Variants in PPT1 observed in about 807,000 individuals in gnomAD.
PPT1 encodes palmitoyl-protein thioesterase 1.
Under a neutral mutation model 44.0 loss-of-function variants are expected in PPT1, and 24 were observed. The observed-to-expected ratio is 0.54, with a 90% CI of 0.39 to 0.77. The LOEUF is 0.77. Ranked by LOEUF, PPT1 falls within the 30% of genes least tolerant of loss-of-function variation. PPT1 has a pLI of 0.00. For missense variants in PPT1, 341 were observed against 378.8 expected, an observed-to-expected ratio of 0.90 and a Z score of 0.83; for synonymous variants, 148 against 140.2, an observed-to-expected ratio of 1.06 and a Z score of -0.39.
At chr1:40,092,809 A>G (rs1649641553) in intron 1 of PPT1, among the ~76,000 whole-genome samples, 1 of 105,644 alleles carries the variant, frequency 9.5e-6, no homozygotes, top group Non-Finnish European at 2.1e-5. Context: ...GCAAACCAAA[A>G]CCACGATGAG....
At chr1:40,076,337 C>A (rs747943143) in intron 8 of PPT1, among the ~76,000 whole-genome samples, 19 of 151,836 alleles carry the variant, frequency 1.3e-4, no homozygotes, top group Non-Finnish European at 1.9e-4. Context: ...TGATGGCACA[C>A]ACCTGTAATC....
intron 5 of PPT1, among the ~76,000 whole-genome samples, chr1:40,082,875 C>A (rs1319187443): frequency 3.3e-5 from 5 of 152,192 alleles, no homozygotes; most frequent in African/African-American, 7.2e-5. Context: ...ACTTTCACAG[C>A]TATAGAGGAG....
rs587781124 is a variant in PPT1 at position 40,091,418 on chromosome 1, T to C, written c.363-19A>G. 55 of 1,594,496 alleles carry C rather than the reference T, an allele frequency of 3.4e-5. No homozygotes were observed. The highest frequency in any genetic ancestry group is 4.5e-5 in the Non-Finnish European group (52 of 1,163,740). ...TGCCCTCCTACGGAATAAAAGGGAG[T>C]TTTAGCTCCGACTGTCAGATGGAAA... On this transcript the variant is annotated intron_variant, in intron 3 of 8. Transcript: ENST00000642050.
At chr1:40,081,066 G>C (rs1648912398) in intron 5 of PPT1, among the ~76,000 whole-genome samples, 2 of 152,184 alleles carry the variant, frequency 1.3e-5, no homozygotes, top group East Asian at 3.8e-4. Flanking sequence ...TGACACTGGG[G>C]TTTATCATAC....
chr1:40,088,972 T>C (rs1649406014), intron 5 of PPT1, among the ~76,000 whole-genome samples: 1 of 152,132 alleles, frequency 6.6e-6, no homozygotes, highest in Non-Finnish European at 1.5e-5. Flanking sequence ...TACAATGAAA[T>C]TGAGCAGATA....
intron 5 of PPT1, 141 bp from the exon 6 acceptor site, chr1:40,080,628 C>A: frequency 2.6e-6 from 2 of 763,430 alleles, no homozygotes; most frequent in Non-Finnish European, 4.5e-6. Context: ...GTAATCCCAG[C>A]ACTTTGGGAG....
At chr1:40,074,240 T>C (rs1648451873) in intron 8 of PPT1, 57 bp from the exon 9 acceptor site, 1 of 1,600,064 alleles carries the variant, frequency 6.2e-7, no homozygotes, top group South Asian at 1.1e-5. Flanking sequence ...TGGAGTAAAA[T>C]GGTAAGTACG....
chr1:40,091,877 AAAAAG>A (rs1009100622), intron 3 of PPT1, among the ~76,000 whole-genome samples, 163 bp downstream of exon 3: 3 of 151,978 alleles, frequency 2.0e-5, no homozygotes, highest in African/African-American at 7.2e-5. Context: ...AAAAAAAAAA[AAAAAG>A]AAAAGAAATT....
downstream of PPT1, chr1:40,072,252 G>C (rs74332992): frequency 3.1e-5 from 5 of 160,316 alleles, no homozygotes; most frequent in East Asian, 8.2e-5. Flanking sequence ...ACTTTAAAAG[G>C]AAAAAAAAAA....
chr1:40,092,392 C>T lies in PPT1; in HGVS notation c.234+6G>A, dbSNP rs587781122. On this transcript the variant is annotated splice_donor_region_variant and intron_variant, in intron 2 of 8. Coordinates refer to ENST00000642050, the MANE Select transcript of PPT1 (RefSeq NM_000310.4). The stretch of plus-strand genomic sequence containing the variant: ...CCTTCAAAGGAACAGCTGTGAAGCG[C>T]CTTACCTCCATCAGGGTCTTCCCAA... 9.9e-5 allele frequency: 158 copies of T among 1,594,362 alleles called. No homozygotes were observed. Among genetic ancestry groups the T allele is most frequent in the Non-Finnish European group, 1.3e-4 (154 of 1,162,100 alleles).
intron 1 of PPT1, among the ~76,000 whole-genome samples, chr1:40,094,605 C>T (rs1649748468): frequency 6.6e-6 from 1 of 152,086 alleles, no homozygotes; most frequent in Non-Finnish European, 1.5e-5. Context: ...TTGTCCTAGC[C>T]CCAGACTTGT....
intron 5 of PPT1, among the ~76,000 whole-genome samples, chr1:40,088,584 T>C (rs1181776077): frequency 6.6e-6 from 1 of 152,122 alleles, no homozygotes; most frequent in Non-Finnish European, 1.5e-5. Context: ...TAAAAATAGA[T>C]TTTAACAGAG....
chr1:40,074,055 C>T lies in PPT1; in HGVS notation c.*6G>A, dbSNP rs113082671. The T allele has an allele frequency of 6.9e-5, 111 of 1,614,028 alleles. No individual in the cohort carries two copies. The Admixed American group carries it at 8.2e-4, about 12-fold the overall frequency. ...TCCCTGAGCTCTATTGTGAACTATA[C>T]GGGTTTCATCCAAGGAATGGTATGA... On this transcript the variant is annotated 3_prime_UTR_variant, in exon 9 of 9. Coordinates refer to ENST00000642050, the MANE Select transcript of PPT1 (RefSeq NM_000310.4).
intron 4 of PPT1, 119 bp from the exon 5 acceptor site, chr1:40,089,631 T>G: frequency 1.3e-6 from 1 of 761,382 alleles, no homozygotes; most frequent in Non-Finnish European, 2.3e-6. Flanking sequence ...CATTCACTTA[T>G]TCCTCATGAA....
intron 5 of PPT1, among the ~76,000 whole-genome samples, chr1:40,081,563 T>C (rs1238449768): frequency 3.2e-5 from 3 of 95,084 alleles, no homozygotes. Flanking sequence ...AATAAATAAA[T>C]AAATAGAAAA....
intron 1 of PPT1, chr1:40,094,081 A>C: frequency 1.5e-6 from 1 of 653,176 alleles, no homozygotes; most frequent in South Asian, 1.7e-5. Context: ...TACAAATGAA[A>C]AATAAGCAGA....
At position 40,073,062 on chromosome 1, in the gene PPT1, T is replaced by G. The variant is rs1198724345; in HGVS notation, c.*999A>C. 2.6e-5 allele frequency: 4 copies of G among 152,244 alleles called. No homozygotes were observed. The highest frequency in any genetic ancestry group is 9.6e-5 in the African/African-American group (4 of 41,464). The allele number at this position is 152,244 out of a possible 1,614,324, so 9.4% of individuals were successfully genotyped here. ...CCTTAGACACTCTAATGTGGGTTGA[T>G]CTCCAGAAGGAGAAAGGGAGTGTGT... On this transcript the variant is annotated 3_prime_UTR_variant, in exon 9 of 9. Transcript: ENST00000642050.
downstream of PPT1, chr1:40,072,058 T>C (rs1648142106): frequency 7.4e-6 from 3 of 403,224 alleles, no homozygotes; most frequent in Non-Finnish European, 1.3e-5. Context: ...TAGCATTCCA[T>C]ACAAAATTGT....
chr1:40,088,575 A>T (rs76144389), intron 5 of PPT1, among the ~76,000 whole-genome samples: 23,054 of 151,398 alleles, frequency 0.15, 1,938 homozygotes, highest in East Asian at 0.24. Flanking sequence ...TTTTTTTTTT[A>T]AAAATAGATT....
Sources: gnomAD v4.1 joint callset for allele counts (sites outside exome capture counted in the v4.1 genomes callset) on GRCh38, gnomAD v4.1.1 for gene constraint, MANE v1.5 for transcripts, NCBI Gene and HGNC (gene_info 2026-07-23, HGNC 2026-07-21) for gene names.